The following NOL4 variants were observed in gnomAD, a reference collection of about 807,000 sequenced individuals.
NOL4 encodes cancer/testis antigen 125.
A neutral mutation model predicts 75.9 loss-of-function variants in NOL4; 17 were observed. The ratio of observed to expected loss-of-function variants is 0.22; its 90% CI spans 0.15 to 0.34. The LOEUF is 0.34. NOL4 is among the 10% of genes least tolerant of loss of function. NOL4 has a pLI of 1.00. For synonymous variants in NOL4, 292 were observed against 289.9 expected (o/e 1.01, Z -0.07); for missense variants, 614 against 793.5 (o/e 0.77, Z 2.72).
chr18:33,982,742 ATTTTTTTT>A (rs953221382), intron 6 of NOL4, among the ~76,000 whole-genome samples: 3 of 104,914 alleles, frequency 2.9e-5, no homozygotes, highest in African/African-American at 3.5e-5. Flanking sequence ...AGACAATGGG[ATTTTTTTT>A]TTTTTTTTTT....
chr18:34,106,741 T>C (rs2079302620), intron 2 of NOL4, among the ~76,000 whole-genome samples: 1 of 151,928 alleles, frequency 6.6e-6, no homozygotes, highest in South Asian at 2.1e-4. Context: ...ATTTGAATCC[T>C]ATTTTTCTGT....
At chr18:34,102,713 G>T (rs180808341) in intron 4 of NOL4, among the ~76,000 whole-genome samples, 2 of 152,010 alleles carry the variant, frequency 1.3e-5, no homozygotes, top group Admixed American at 1.3e-4. Context: ...ACATCTAAAT[G>T]AGCTTCCTAC....
chr18:34,112,764 T>C, intron 2 of NOL4, among the ~76,000 whole-genome samples: 1 of 152,000 alleles, frequency 6.6e-6, no homozygotes, highest in East Asian at 1.9e-4. Flanking sequence ...GTAGTATGAG[T>C]AAGTTCTAGA....
At chr18:33,927,548 C>G (rs2067416106) in intron 9 of NOL4, among the ~76,000 whole-genome samples, 1 of 152,070 alleles carries the variant, frequency 6.6e-6, no homozygotes, top group Non-Finnish European at 1.5e-5. Context: ...TTTAAAAATA[C>G]ATTATTGACA....
At chr18:34,195,590 T>G (rs1371210466) in intron 1 of NOL4, among the ~76,000 whole-genome samples, 1 of 152,038 alleles carries the variant, frequency 6.6e-6, no homozygotes, top group Admixed American at 6.6e-5. Flanking sequence ...CATGTTTTCC[T>G]TTAAGTTTCA....
intron 6 of NOL4, among the ~76,000 whole-genome samples, chr18:34,018,354 T>C (rs1192148167): frequency 6.6e-6 from 1 of 152,142 alleles, no homozygotes; most frequent in Admixed American, 6.6e-5. Context: ...TCGGCTAATG[T>C]CCAGTGACTT....
At chr18:34,167,561 T>TAGATAGATAGATAGATAGAC (rs1200688846) in intron 1 of NOL4, among the ~76,000 whole-genome samples, 26 of 150,696 alleles carry the variant, frequency 1.7e-4, no homozygotes, top group South Asian at 6.3e-4. Context: ...GATAGATAGA[T>TAGATAGATAGATAGATAGAC]AGACAGACAG....
At chr18:33,927,075 A>G (rs2067379383) in intron 9 of NOL4, among the ~76,000 whole-genome samples, 1 of 152,156 alleles carries the variant, frequency 6.6e-6, no homozygotes, top group African/African-American at 2.4e-5. Context: ...GTTGGGAACA[A>G]GAGACTAACC....
At chr18:34,112,229 T>A (rs916253791) in intron 2 of NOL4, among the ~76,000 whole-genome samples, 1 of 151,654 alleles carries the variant, frequency 6.6e-6, no homozygotes, top group Non-Finnish European at 1.5e-5. Flanking sequence ...ATTGGCCAGG[T>A]GTGATGGCAG....
chr18:33,943,180 TA>T lies in NOL4; in HGVS notation c.1429-3del, dbSNP rs530792420. 81,093 of 1,038,638 alleles carry T rather than the reference TA, an allele frequency of 0.078. 3 individuals carry two copies. The highest frequency in any genetic ancestry group is 0.12 in the South Asian group (5,942 of 49,756). 64.3% of individuals were successfully genotyped at this position (1,038,638 alleles called of 1,614,324 possible). On this transcript the variant is annotated splice_region_variant and splice_polypyrimidine_tract_variant and intron_variant, in intron 8 of 10. Coordinates refer to ENST00000261592, the MANE Select transcript of NOL4 (RefSeq NM_003787.5). ...AAGGTGGGAAGGAATAGGTCGAGAC[TA>T]AAAAAAAAAAGAGAAAAGTATGAAA...
chr18:33,991,806 ACAGAG>A (rs2072936120), intron 6 of NOL4, among the ~76,000 whole-genome samples: 1 of 152,050 alleles, frequency 6.6e-6, no homozygotes, highest in Admixed American at 6.6e-5. Context: ...GCCATACTAG[ACAGAG>A]CAGAGCATTT....
At chr18:34,124,433 A>G (rs1325876715) in intron 2 of NOL4, among the ~76,000 whole-genome samples, 2 of 152,206 alleles carry the variant, frequency 1.3e-5, no homozygotes, top group African/African-American at 4.8e-5. Flanking sequence ...ATTTATTTCA[A>G]AATATACTCC....
intron 5 of NOL4, among the ~76,000 whole-genome samples, chr18:34,068,519 C>T (rs1326450184): frequency 1.3e-5 from 2 of 152,112 alleles, no homozygotes; most frequent in Non-Finnish European, 2.9e-5. Flanking sequence ...CCTGCTTCAG[C>T]CTCCTGAGTG....
intron 5 of NOL4, among the ~76,000 whole-genome samples, chr18:34,088,270 T>G (rs2078339673): frequency 6.6e-6 from 1 of 152,094 alleles, no homozygotes; most frequent in South Asian, 2.1e-4. Flanking sequence ...TGCCAGATAT[T>G]TTTTAAAAAT....
intron 5 of NOL4, among the ~76,000 whole-genome samples, chr18:34,067,129 G>C (rs1249902294): frequency 6.6e-6 from 1 of 152,132 alleles, no homozygotes; most frequent in Non-Finnish European, 1.5e-5. Flanking sequence ...TAAAATGGAG[G>C]TGGTGTACAG....
intron 6 of NOL4, among the ~76,000 whole-genome samples, chr18:33,993,078 G>T (rs982756743): frequency 1.3e-5 from 2 of 151,864 alleles, no homozygotes; most frequent in African/African-American, 2.4e-5. Context: ...GAGAGAACAA[G>T]GAAAGAGACA....
chr18:34,111,143 A>G (rs1262515915), intron 2 of NOL4, among the ~76,000 whole-genome samples: 5 of 152,318 alleles, frequency 3.3e-5, no homozygotes, highest in Admixed American at 2.6e-4. Flanking sequence ...CTTATACAAA[A>G]ATAAACTTAA....
intron 1 of NOL4, among the ~76,000 whole-genome samples, chr18:34,215,521 G>A (rs1055207277): frequency 1.3e-5 from 2 of 152,256 alleles, no homozygotes; most frequent in South Asian, 4.1e-4. Flanking sequence ...GACTATAAGA[G>A]GGAGAAATCA....
At chr18:34,190,921 A>G (rs73418500) in intron 1 of NOL4, among the ~76,000 whole-genome samples, 8 of 152,222 alleles carry the variant, frequency 5.3e-5, no homozygotes, top group African/African-American at 1.9e-4. Context: ...ACTATTTCAC[A>G]TATTACAAAA....
Sources: allele counts gnomAD v4.1 joint callset (sites outside exome capture counted in the v4.1 genomes callset), GRCh38; gene constraint gnomAD v4.1.1; transcripts MANE v1.5; gene names NCBI Gene and HGNC (gene_info 2026-07-23, HGNC 2026-07-21).